TMEM106B: variants seen among roughly 807,000 people sequenced by gnomAD.
TMEM106B encodes transmembrane protein 106B.
A neutral mutation model predicts 31.1 loss-of-function variants in TMEM106B; 15 were observed. The observed-to-expected ratio is 0.48, with a 90% CI of 0.32 to 0.74. The LOEUF (loss-of-function observed/expected upper bound fraction) is 0.74, where lower values mean the gene tolerates loss of function less well. Among genes scored for constraint, TMEM106B ranks in the 30% least tolerant of loss-of-function variants. TMEM106B has a pLI of 0.03. For missense variants in TMEM106B, 283 were observed against 327.3 expected, an observed-to-expected ratio of 0.86 and a Z score of 1.04; for synonymous variants, 126 against 112.5, an observed-to-expected ratio of 1.12 and a Z score of -0.76.
intron 4 of TMEM106B, among the ~76,000 whole-genome samples, chr7:12,228,932 G>A (rs1304533366): frequency 6.6e-6 from 1 of 151,750 alleles, no homozygotes; most frequent in Non-Finnish European, 1.5e-5. Context: ...TATGTCCTTT[G>A]TTCTTTTTTC....
rs1229107541 is a variant in TMEM106B at position 12,236,907 on chromosome 7, C to T, written c.*4932C>T. 1 of 151,958 alleles carries T rather than the reference C, an allele frequency of 6.6e-6. No individual in the cohort carries two copies. Among genetic ancestry groups the T allele is most frequent in the African/African-American group, 2.4e-5 (1 of 41,378 alleles). The allele number at this position is 151,958 out of a possible 1,614,324, so 9.4% of individuals were successfully genotyped here. ...GAAAATGATTTGACGTGCTTGCTCACTTGATTGACTTGGTCAGATATTTGA... is the reference window on the plus strand; with the variant it reads ...GAAAATGATTTGACGTGCTTGCTCATTTGATTGACTTGGTCAGATATTTGA... On this transcript the variant is annotated 3_prime_UTR_variant, in exon 8 of 8. Coordinates refer to ENST00000396668, the MANE Select transcript of TMEM106B (RefSeq NM_001134232.2).
chr7:12,218,362 A>G (rs1351112568), intron 2 of TMEM106B, 96 bp from the exon 3 acceptor site: 42 of 947,322 alleles, frequency 4.4e-5, no homozygotes, highest in Admixed American at 1.6e-4. Flanking sequence ...TGAGTGCCAG[A>G]TGATATTCTG....
At chr7:12,220,661 C>G (rs1372833854) in intron 3 of TMEM106B, among the ~76,000 whole-genome samples, 3 of 152,142 alleles carry the variant, frequency 2.0e-5, no homozygotes, top group Non-Finnish European at 4.4e-5. Context: ...TATATTCATT[C>G]CTTGCTAGTG....
At chr7:12,215,313 C>T (rs17149894) in intron 2 of TMEM106B, among the ~76,000 whole-genome samples, 43,594 of 151,964 alleles carry the variant, frequency 0.29, 6,433 homozygotes, top group South Asian at 0.41. Flanking sequence ...ACTTTTAGTC[C>T]TATTTGGCAT....
rs1049749426 is a variant in TMEM106B, at chr7:12,211,356, A to C, written c.-72A>C. 2 of 151,894 alleles carry C rather than the reference A, an allele frequency of 1.3e-5. No individual in the cohort carries two copies. The highest frequency in any genetic ancestry group is 4.8e-5 in the African/African-American group (2 of 41,348). The allele number at this position is 151,894 out of a possible 1,614,324, so 9.4% of individuals were successfully genotyped here. ...CACCCCCCGGCTCCCGGGACTGTGG[A>C]CTCCACGACCCTGTCCTCGGCCCTG... On this transcript the variant is annotated 5_prime_UTR_variant, in exon 1 of 8. Coordinates refer to ENST00000396668, the MANE Select transcript of TMEM106B (RefSeq NM_001134232.2).
intron 7 of TMEM106B, chr7:12,231,519 G>T: frequency 3.9e-6 from 1 of 258,010 alleles, no homozygotes; most frequent in African/African-American, 2.2e-5. Flanking sequence ...GCTGACATTT[G>T]ATTAACCTTT....
chr7:12,230,536 C>A, intron 6 of TMEM106B, 98 bp downstream of exon 6: 1 of 788,474 alleles, frequency 1.3e-6, no homozygotes, highest in South Asian at 1.8e-5. Flanking sequence ...CGTTATCAGT[C>A]AAAAAGAGTA....
At chr7:12,213,026 T>C (rs1781610863) in intron 1 of TMEM106B, among the ~76,000 whole-genome samples, 1 of 152,212 alleles carries the variant, frequency 6.6e-6, no homozygotes, top group Admixed American at 6.5e-5. Context: ...GGGTGTATTA[T>C]ATGACTGTTA....
At position 12,232,640 on chromosome 7, in the gene TMEM106B, ATTAG is replaced by A. The variant is rs570868445; in HGVS notation, c.*669_*672del. The A allele has an allele frequency of 2.3e-3, 352 of 152,420 alleles. 1 individual carries two copies. Among genetic ancestry groups the A allele is most frequent in the African/African-American group, 4.6e-3 (192 of 41,538 alleles). The allele number at this position is 152,420 out of a possible 1,614,324, so 9.4% of individuals were successfully genotyped here. ...CTAATGTTTTCACACATCTTTCTGT[ATTAG>A]TTATAGTTTTGTGAAATCTTTGTGT... is the stretch of plus-strand genomic sequence containing the variant. On this transcript the variant is annotated 3_prime_UTR_variant, in exon 8 of 8. Transcript: ENST00000396668.
intron 1 of TMEM106B, among the ~76,000 whole-genome samples, chr7:12,212,365 T>G (rs549560038): frequency 6.6e-6 from 1 of 152,178 alleles, no homozygotes; most frequent in East Asian, 1.9e-4. Context: ...TTACAGTGTG[T>G]GGGGACAGTG....
At chr7:12,217,971 G>A (rs1781719810) in intron 2 of TMEM106B, among the ~76,000 whole-genome samples, 1 of 152,084 alleles carries the variant, frequency 6.6e-6, no homozygotes, top group Non-Finnish European at 1.5e-5. Flanking sequence ...CATTATGTAG[G>A]GGGCTCTTAA....
At chr7:12,215,082 A>G (rs1562702380) in intron 2 of TMEM106B, 55 bp downstream of exon 2, 9 of 1,509,770 alleles carry the variant, frequency 6.0e-6, no homozygotes, top group East Asian at 2.3e-5. Context: ...TTGCTCAAGT[A>G]TTATAAAAAC....
intron 1 of TMEM106B, 194 bp downstream of exon 1, chr7:12,211,619 G>C (rs1781577544): frequency 6.6e-6 from 1 of 152,496 alleles, no homozygotes; most frequent in South Asian, 2.1e-4. Flanking sequence ...GGGAACACTC[G>C]GCTTCGGCCC....
intron 2 of TMEM106B, among the ~76,000 whole-genome samples, chr7:12,216,008 A>T (rs1781679665): frequency 6.6e-6 from 1 of 152,118 alleles, no homozygotes; most frequent in African/African-American, 2.4e-5. Context: ...ACCCAGAGGG[A>T]AGAAGGTCAA....
chr7:12,241,920 T>C lies in TMEM106B; in HGVS notation c.*9945T>C, dbSNP rs969102204. ...ATTCTCTCCAGCATCTGTTGTTTCC[T>C]GACTTAATGATTGCCATTCTAACTG... On this transcript the variant is annotated 3_prime_UTR_variant, in exon 8 of 8. Transcript: ENST00000396668. 1.1e-4 allele frequency: 17 copies of C among 152,230 alleles called. 1 individual carries two copies. The highest frequency in any genetic ancestry group is 9.2e-4 in the Admixed American group (14 of 15,282). 9.4% of individuals were successfully genotyped at this position (152,230 alleles called of 1,614,324 possible). A position where few individuals can be genotyped will look rare whatever the true frequency, so the allele number is the denominator to read the frequency against.
At position 12,240,446 on chromosome 7, in the gene TMEM106B, T is replaced by A. The variant is rs1782220306; in HGVS notation, c.*8471T>A. 1 of 152,174 alleles carries A rather than the reference T, an allele frequency of 6.6e-6. No individual in the cohort carries two copies. The highest frequency in any genetic ancestry group is 1.5e-5 in the Non-Finnish European group (1 of 68,026). The allele number at this position is 152,174 out of a possible 1,614,324, so 9.4% of individuals were successfully genotyped here. On this transcript the variant is annotated 3_prime_UTR_variant, in exon 8 of 8. Transcript: ENST00000396668. ...TTAAACTTGTTTTAAACTTTTGTTTTCATCAACTTTTTTCAAACAATTTTT... is the reference window on the plus strand; with the variant it reads ...TTAAACTTGTTTTAAACTTTTGTTTACATCAACTTTTTTCAAACAATTTTT...
chr7:12,225,860 A>G (rs928774160), intron 4 of TMEM106B, among the ~76,000 whole-genome samples: 5 of 152,098 alleles, frequency 3.3e-5, no homozygotes, highest in Non-Finnish European at 7.4e-5. Context: ...TTTTACTTTA[A>G]TTAGATCACA....
intron 7 of TMEM106B, chr7:12,231,433 A>G: frequency 3.8e-6 from 1 of 266,644 alleles, no homozygotes; most frequent in Non-Finnish European, 7.0e-6. Flanking sequence ...TAATAAGAAT[A>G]TTATTGGTTT....
chr7:12,226,565 C>G (rs751266677), intron 4 of TMEM106B, among the ~76,000 whole-genome samples: 1 of 151,898 alleles, frequency 6.6e-6, no homozygotes, highest in African/African-American at 2.4e-5. Context: ...TTTTTTCTTG[C>G]AGAGGTTAAT....
Sources: allele counts gnomAD v4.1 joint callset (sites outside exome capture counted in the v4.1 genomes callset), GRCh38; gene constraint gnomAD v4.1.1; transcripts MANE v1.5; gene names NCBI Gene and HGNC (gene_info 2026-07-23, HGNC 2026-07-21).